RSPO2: variants seen among roughly 807,000 people sequenced by gnomAD.
RSPO2 encodes R-spondin 2, also known as R-spondin-2.
Under a neutral mutation model 30.9 loss-of-function variants are expected in RSPO2, and 14 were observed. The ratio of observed to expected loss-of-function variants is 0.45; its 90% CI spans 0.30 to 0.71. The LOEUF (loss-of-function observed/expected upper bound fraction) is 0.71. Ranked by LOEUF, RSPO2 falls within the 30% of genes least tolerant of loss-of-function variation. The pLI is 0.08. For missense variants in RSPO2, 264 were observed against 301.9 expected, an observed-to-expected ratio of 0.87 and a Z score of 0.93; for synonymous variants, 107 against 96.4, an observed-to-expected ratio of 1.11 and a Z score of -0.64.
intron 2 of RSPO2, among the ~76,000 whole-genome samples, chr8:108,045,966 G>A (rs1811898053): frequency 6.6e-6 from 1 of 152,068 alleles, no homozygotes; most frequent in Admixed American, 6.6e-5. Context: ...CACTGAATTG[G>A]AGAATCTCTA....
intron 3 of RSPO2, among the ~76,000 whole-genome samples, chr8:107,964,707 G>C (rs992855859): frequency 6.6e-6 from 1 of 152,074 alleles, no homozygotes; most frequent in Non-Finnish European, 1.5e-5. Flanking sequence ...TGCAGGGGGT[G>C]GGGGGAACTC....
rs1811440333 is a variant in RSPO2 at position 107,900,973 on chromosome 8, C to CAGAGCAGCA, written c.*93_*101dup. 1 of 1,230,176 alleles carries CAGAGCAGCA rather than the reference C, an allele frequency of 8.1e-7. No individual in the cohort carries two copies. Among genetic ancestry groups the CAGAGCAGCA allele is most frequent in the African/African-American group, 1.5e-5 (1 of 65,676 alleles). The allele number at this position is 1,230,176 out of a possible 1,614,324, so 76.2% of individuals were successfully genotyped here. On this transcript the variant is annotated 3_prime_UTR_variant, in exon 6 of 6. Coordinates refer to ENST00000276659, the MANE Select transcript of RSPO2 (RefSeq NM_178565.5). ...CATGTTACTGGGAACAGATACTGGG[C>CAGAGCAGCA]AGAGCAGCACAAAGGCTGCACACCA... is the stretch of plus-strand genomic sequence containing the variant.
At chr8:108,048,046 A>G (rs868424164) in intron 2 of RSPO2, among the ~76,000 whole-genome samples, 2 of 152,130 alleles carry the variant, frequency 1.3e-5, no homozygotes, top group African/African-American at 4.8e-5. Context: ...GCTAAGTACT[A>G]TGCCGCGTGC....
At chr8:108,024,294 C>T (rs1811137825) in intron 2 of RSPO2, among the ~76,000 whole-genome samples, 1 of 152,054 alleles carries the variant, frequency 6.6e-6, no homozygotes, top group Admixed American at 6.6e-5. Flanking sequence ...TGGAAGCAAC[C>T]TAAATGCCCA....
At chr8:107,901,217 A>G in intron 5 of RSPO2, 27 bp from the exon 6 acceptor site, 1 of 1,589,926 alleles carries the variant, frequency 6.3e-7, no homozygotes, top group South Asian at 1.1e-5. Context: ...AAAAGAAGAG[A>G]TGTCAGAAAT....
At chr8:108,014,611 G>A (rs573436075) in intron 2 of RSPO2, among the ~76,000 whole-genome samples, 13 of 151,800 alleles carry the variant, frequency 8.6e-5, no homozygotes, top group African/African-American at 3.1e-4. Flanking sequence ...ACTAAACACC[G>A]CATGTTCTCA....
intron 3 of RSPO2, among the ~76,000 whole-genome samples, 198 bp from the exon 4 acceptor site, chr8:107,961,015 G>C (rs756954945): frequency 5.3e-5 from 8 of 152,068 alleles, no homozygotes; most frequent in Non-Finnish European, 1.0e-4. Context: ...ACTACATCAA[G>C]AATCCAAGAG....
chr8:108,050,474 T>C (rs1047637160), intron 2 of RSPO2, among the ~76,000 whole-genome samples: 2 of 152,088 alleles, frequency 1.3e-5, no homozygotes, highest in Non-Finnish European at 2.9e-5. Context: ...ATAAAGTAAA[T>C]ATGGAAATAT....
chr8:107,931,227 T>C (rs575347008), intron 5 of RSPO2, among the ~76,000 whole-genome samples: 14 of 152,246 alleles, frequency 9.2e-5, no homozygotes, highest in African/African-American at 3.1e-4. Context: ...CTCCTCAAAT[T>C]AGTGCTATTT....
chr8:107,931,029 G>A (rs944480621), intron 5 of RSPO2, among the ~76,000 whole-genome samples: 2 of 151,936 alleles, frequency 1.3e-5, no homozygotes, highest in African/African-American at 4.8e-5. Context: ...TTTTCTACCC[G>A]GGCTGGAAAA....
At chr8:107,935,094 G>A (rs117251629) in intron 5 of RSPO2, among the ~76,000 whole-genome samples, 93 of 152,226 alleles carry the variant, frequency 6.1e-4, no homozygotes, top group East Asian at 4.3e-3. Context: ...CCTGCGGGGC[G>A]GGACAGAACA....
At chr8:108,001,076 C>T (rs1469703691) in intron 2 of RSPO2, among the ~76,000 whole-genome samples, 2 of 151,820 alleles carry the variant, frequency 1.3e-5, no homozygotes, top group African/African-American at 2.4e-5. Context: ...CCTGTAGTCC[C>T]AGCTACTCAG....
At chr8:107,950,150 C>T (rs1253525337) in intron 5 of RSPO2, among the ~76,000 whole-genome samples, 1 of 152,206 alleles carries the variant, frequency 6.6e-6, no homozygotes, top group East Asian at 1.9e-4. Context: ...CACATGCACA[C>T]TTTAATGTGT....
At chr8:108,077,446 A>C (rs1292426636) in intron 2 of RSPO2, among the ~76,000 whole-genome samples, 3 of 152,066 alleles carry the variant, frequency 2.0e-5, no homozygotes, top group Non-Finnish European at 4.4e-5. Context: ...GGAAAGAGTA[A>C]AAACACTATC....
chr8:108,063,521 G>A (rs559625763), intron 2 of RSPO2, among the ~76,000 whole-genome samples: 50 of 151,898 alleles, frequency 3.3e-4, no homozygotes, highest in Admixed American at 9.2e-4. Flanking sequence ...ACTGCTCAAT[G>A]AAATAAAAGA....
intron 3 of RSPO2, among the ~76,000 whole-genome samples, chr8:107,962,066 CG>C (rs2130444686): frequency 6.6e-6 from 1 of 152,194 alleles, no homozygotes; most frequent in East Asian, 1.9e-4. Flanking sequence ...CAGTTTTAAC[CG>C]ACGCAATTGA....
At chr8:107,996,048 TGTAA>T (rs1158252591) in intron 2 of RSPO2, among the ~76,000 whole-genome samples, 7 of 151,960 alleles carry the variant, frequency 4.6e-5, no homozygotes, top group African/African-American at 1.7e-4. Context: ...CTGAGTAGGG[TGTAA>T]GTGAGTGAGG....
At chr8:107,920,484 T>C (rs1032506557) in intron 5 of RSPO2, among the ~76,000 whole-genome samples, 2 of 152,162 alleles carry the variant, frequency 1.3e-5, no homozygotes, top group Non-Finnish European at 2.9e-5. Context: ...AATGGAAACA[T>C]TAAATGTGAC....
At chr8:108,014,181 A>T (rs962168965) in intron 2 of RSPO2, among the ~76,000 whole-genome samples, 2 of 152,134 alleles carry the variant, frequency 1.3e-5, no homozygotes, top group African/African-American at 2.4e-5. Flanking sequence ...ATCATTAAAA[A>T]GTCAAGAAAC....
Sources: gnomAD v4.1 joint callset for allele counts (sites outside exome capture counted in the v4.1 genomes callset) on GRCh38, gnomAD v4.1.1 for gene constraint, MANE v1.5 for transcripts, NCBI Gene and HGNC (gene_info 2026-07-23, HGNC 2026-07-21) for gene names.